Variants in PHF24 observed in about 807,000 individuals in gnomAD.
The protein encoded by PHF24 is Galpha inhibitory interacting protein.
In PHF24, 25 loss-of-function variants were observed where a neutral mutation model predicts 42.6. The observed-to-expected ratio is 0.59, with a 90% CI of 0.43 to 0.82. The LOEUF is 0.82. PHF24 is among the 40% of genes least tolerant of loss of function. The pLI is 0.00. For synonymous variants in PHF24, 185 were observed against 204.8 expected, an observed-to-expected ratio of 0.90 and a Z score of 0.83; for missense variants, 470 against 538.1, an observed-to-expected ratio of 0.87 and a Z score of 1.25.
chr9:34,909,703 G>C, the PHF24 span, among the ~76,000 whole-genome samples: 1 of 151,068 alleles, frequency 6.6e-6, no homozygotes, highest in South Asian at 2.1e-4. Flanking sequence ...CTCACTGCAA[G>C]CTCCGCCTCC....
chr9:34,880,765 T>G, the PHF24 span, among the ~76,000 whole-genome samples: 1 of 152,116 alleles, frequency 6.6e-6, no homozygotes, highest in Non-Finnish European at 1.5e-5. Context: ...ATGGGAGGCT[T>G]TAACACCCCA....
At chr9:34,789,437 C>A in the PHF24 span, among the ~76,000 whole-genome samples, 27 of 152,368 alleles carry the variant, frequency 1.8e-4, no homozygotes, top group African/African-American at 5.5e-4. Flanking sequence ...CATGTAAACA[C>A]TGGGGCTAAT....
At chr9:34,927,096 CCT>C in the PHF24 span, among the ~76,000 whole-genome samples, 5 of 152,084 alleles carry the variant, frequency 3.3e-5, no homozygotes, top group Non-Finnish European at 5.9e-5. Context: ...GGCTCAGGGG[CCT>C]CTCTCTCTTG....
chr9:34,697,287 G>A, the PHF24 span, among the ~76,000 whole-genome samples: 5 of 152,294 alleles, frequency 3.3e-5, no homozygotes, highest in South Asian at 1.0e-3. Flanking sequence ...CAGTAGGTCT[G>A]TAGTGAAGCC....
chr9:34,817,297 T>G, the PHF24 span, among the ~76,000 whole-genome samples: 1 of 152,140 alleles, frequency 6.6e-6, no homozygotes, highest in African/African-American at 2.4e-5. Context: ...CAGGCTGGAG[T>G]GTAGTGGCAC....
chr9:34,682,441 G>T, the PHF24 span, among the ~76,000 whole-genome samples: 5 of 152,100 alleles, frequency 3.3e-5, no homozygotes, highest in Admixed American at 3.3e-4. Flanking sequence ...GTCTTTCGGG[G>T]GGGTGAATTT....
At chr9:34,831,308 G>C in the PHF24 span, among the ~76,000 whole-genome samples, 46 of 152,280 alleles carry the variant, frequency 3.0e-4, no homozygotes, top group African/African-American at 1.0e-3. Flanking sequence ...CTGACTGGGT[G>C]CCCACCATTA....
At chr9:34,780,515 G>T in the PHF24 span, among the ~76,000 whole-genome samples, 1 of 151,612 alleles carries the variant, frequency 6.6e-6, no homozygotes, top group African/African-American at 2.4e-5. Context: ...GAACTCCTGG[G>T]CTCAAGCAAT....
chr9:34,667,476 A>G, the PHF24 span, among the ~76,000 whole-genome samples: 1 of 151,938 alleles, frequency 6.6e-6, no homozygotes, highest in African/African-American at 2.4e-5. Flanking sequence ...TCACATTCAC[A>G]CTCATGTTGA....
At chr9:34,837,075 A>G in the PHF24 span, 1 of 471,482 alleles carries the variant, frequency 2.1e-6, no homozygotes, top group Non-Finnish European at 4.4e-6. Context: ...CCTTTTCATG[A>G]CAGAGAACAG....
the PHF24 span, among the ~76,000 whole-genome samples, chr9:34,672,625 G>A: frequency 6.6e-6 from 1 of 152,070 alleles, no homozygotes; most frequent in Non-Finnish European, 1.5e-5. Flanking sequence ...TGAGGGGGCT[G>A]AGTGTCCTAG....
the PHF24 span, among the ~76,000 whole-genome samples, chr9:34,693,811 G>A: frequency 1.3e-5 from 2 of 152,170 alleles, no homozygotes; most frequent in South Asian, 4.1e-4. Flanking sequence ...TTGTTTCTTT[G>A]TGTGGCTGTA....
chr9:34,914,871 G>A, the PHF24 span, among the ~76,000 whole-genome samples: 5 of 151,092 alleles, frequency 3.3e-5, no homozygotes, highest in East Asian at 5.8e-4. Context: ...CTGCAGCCTC[G>A]ACTTCCTAAG....
the PHF24 span, chr9:34,923,018 G>A: frequency 2.8e-5 from 15 of 541,612 alleles, no homozygotes; most frequent in Admixed American, 3.6e-4. Flanking sequence ...GCTCCGGCCC[G>A]CCTAGACCCA....
chr9:34,929,797 G>A, the PHF24 span, among the ~76,000 whole-genome samples: 1 of 152,180 alleles, frequency 6.6e-6, no homozygotes, highest in African/African-American at 2.4e-5. Flanking sequence ...GAGAAGAGTT[G>A]AAGAGAGATC....
the PHF24 span, among the ~76,000 whole-genome samples, chr9:34,812,998 A>G: frequency 6.6e-6 from 1 of 152,212 alleles, no homozygotes; most frequent in East Asian, 1.9e-4. Context: ...AGCCTTTTAT[A>G]AAAATCTGCC....
chr9:34,857,222 T>C, the PHF24 span, among the ~76,000 whole-genome samples: 1 of 152,182 alleles, frequency 6.6e-6, no homozygotes, highest in Non-Finnish European at 1.5e-5. Flanking sequence ...CAGTAGGTCT[T>C]AACTTGTGAG....
the PHF24 span, chr9:34,689,871 C>T: frequency 6.2e-7 from 1 of 1,614,162 alleles, no homozygotes; most frequent in South Asian, 1.1e-5. This position sits in a 1 kb window ranked among gnomAD's most constrained non-coding sequence, Gnocchi z 4.1. Context: ...GGATCATGGG[C>T]TGGAATCTTA....
chr9:34,747,463 AC>A, the PHF24 span, among the ~76,000 whole-genome samples: 1 of 152,128 alleles, frequency 6.6e-6, no homozygotes, highest in African/African-American at 2.4e-5. Context: ...CAGACAGACA[AC>A]CCAACAGACA....
Sources: allele counts gnomAD v4.1 joint callset (sites outside exome capture counted in the v4.1 genomes callset), GRCh38; gene constraint gnomAD v4.1.1; non-coding constraint Gnocchi (gnomAD v3.1); transcripts MANE v1.5; gene names NCBI Gene and HGNC (gene_info 2026-07-23, HGNC 2026-07-21).